The following LGALS2 variants were observed in gnomAD, a reference collection of about 807,000 sequenced individuals.
LGALS2 encodes the protein galectin 2, also known as galectin-2.
A neutral mutation model predicts 10.1 loss-of-function variants in LGALS2; 7 were observed. That is an observed-to-expected ratio of 0.70 (90% CI 0.40 to 1.31). LGALS2 has a LOEUF of 1.31. LGALS2 is among the 50% of genes most tolerant of loss of function. The pLI is 0.01. For missense variants in LGALS2, 167 were observed against 163.6 expected (o/e 1.02, Z -0.11); for synonymous variants, 86 against 64.2 (o/e 1.34, Z -1.63).
chr22:37,570,392 A>C lies in LGALS2; in HGVS notation c.270T>G (p.Ser90Arg). Reference sequence around the variant, plus strand: ...CTGGCAGCTTCACCTTGAATTTGTCACTCTCAAAGGTCACTGTGAACTGTG... The same window carrying C: ...CTGGCAGCTTCACCTTGAATTTGTCCCTCTCAAAGGTCACTGTGAACTGTG... Reference protein sequence around the residue: ...SEVKFTVTFESDKFKVKLPDG... With the variant: ...SEVKFTVTFERDKFKVKLPDG... The change falls in exon 4 of 4, where the codon AGT becomes AGG. Residue 90 changes from serine (S) to arginine (R), a missense_variant. Physicochemically the swap from Ser to Arg is moderately radical, Grantham distance 110 (BLOSUM62 -1). Transcript: ENST00000215886. 1 of 1,613,638 alleles carries C rather than the reference A, an allele frequency of 6.2e-7. No homozygotes were observed. Among genetic ancestry groups the C allele is most frequent in the Non-Finnish European group, 8.5e-7 (1 of 1,179,916 alleles).
intron 1 of LGALS2, among the ~76,000 whole-genome samples, chr22:37,577,532 C>CTTTTTTTTTTTT (rs10674228): frequency 1.4e-5 from 2 of 147,110 alleles, no homozygotes; most frequent in East Asian, 2.0e-4. Flanking sequence ...TTTTCTTCTT[C>CTTTTTTTTTTTT]TTCTTCTTTT....
intron 2 of LGALS2, 126 bp downstream of exon 2, chr22:37,571,723 T>G: frequency 1.4e-6 from 1 of 718,342 alleles, no homozygotes; most frequent in East Asian, 2.7e-5. Context: ...GGGAGAAGGG[T>G]GTGAAAAAGG....
chr22:37,571,872 G>A lies in LGALS2; in HGVS notation c.66C>T (p.Gly22=), dbSNP rs1254328452. The A allele has an allele frequency of 2.9e-5, 46 of 1,613,938 alleles. No individual in the cohort carries two copies. Among genetic ancestry groups the A allele is most frequent in the Non-Finnish European group, 3.9e-5 (46 of 1,179,954 alleles). ...MKPGSTLKIT[G]SIADGTDGFV... is the part of the protein sequence containing the mutation. The stretch of plus-strand genomic sequence containing the variant: ...ACCCATCAGTGCCATCGGCGATGCT[G>A]CCTGTGATCTTCAGGGTTGACCCCG... Residue 22 remains glycine, a synonymous_variant, in exon 2 of 4, where the codon GGC becomes GGT. Coordinates refer to ENST00000215886, the MANE Select transcript of LGALS2 (RefSeq NM_006498.3).
chr22:37,577,295 T>A (rs1925715238), intron 1 of LGALS2, among the ~76,000 whole-genome samples: 1 of 151,356 alleles, frequency 6.6e-6, no homozygotes, highest in South Asian at 2.1e-4. Flanking sequence ...GCATCCCCCC[T>A]GCACTTGAAT....
intron 1 of LGALS2, among the ~76,000 whole-genome samples, chr22:37,572,583 T>C (rs182698398): frequency 0.12 from 17,530 of 151,480 alleles, 2,702 homozygotes; most frequent in African/African-American, 0.36. Context: ...CTGGCTAACA[T>C]GGTGAAACCC....
rs768277912 is a variant in LGALS2, at chr22:37,571,840, C to T, written c.89+9G>A. The T allele has an allele frequency of 6.2e-7, 1 of 1,613,132 alleles. No individual in the cohort carries two copies. Among genetic ancestry groups the T allele is most frequent in the Admixed American group, 1.7e-5 (1 of 60,030 alleles). ...CTGCAGACTCCCCCAACCCTGAAAC[C>T]TTGCTCACCCATCAGTGCCATCGGC... is the stretch of plus-strand genomic sequence containing the variant. On this transcript the variant is annotated intron_variant, in intron 2 of 3. Transcript: ENST00000215886.
intron 2 of LGALS2, 53 bp downstream of exon 2, chr22:37,571,796 C>T (rs536145354): frequency 3.9e-5 from 57 of 1,466,320 alleles, no homozygotes; most frequent in Middle Eastern, 1.7e-4. Flanking sequence ...CTGCCCCACC[C>T]GCCCTGCCTA....
chr22:37,574,192 AG>A (rs909898544), intron 1 of LGALS2, among the ~76,000 whole-genome samples: 2 of 152,020 alleles, frequency 1.3e-5, no homozygotes, highest in African/African-American at 2.4e-5. Flanking sequence ...GATGGTTACT[AG>A]GGAAGATTTC....
intron 1 of LGALS2, among the ~76,000 whole-genome samples, chr22:37,578,048 G>A (rs568404469): frequency 6.6e-6 from 1 of 152,316 alleles, no homozygotes; most frequent in East Asian, 1.9e-4. Context: ...TGTTATTGCA[G>A]CCCTAGGCAA....
intron 1 of LGALS2, among the ~76,000 whole-genome samples, chr22:37,574,561 G>T (rs1164808331): frequency 2.0e-5 from 3 of 151,876 alleles, no homozygotes; most frequent in African/African-American, 7.3e-5. Context: ...TGACCAGAGG[G>T]TGAGGGTTGG....
chr22:37,571,777 C>T, intron 2 of LGALS2, 72 bp downstream of exon 2: 2 of 1,243,874 alleles, frequency 1.6e-6, no homozygotes, highest in Admixed American at 1.7e-5. Flanking sequence ...CTTCACAGGG[C>T]TGCCCTGCCT....
chr22:37,578,946 G>A (rs2145824545), intron 1 of LGALS2: 1 of 152,366 alleles, frequency 6.6e-6, no homozygotes, highest in Non-Finnish European at 1.5e-5. Flanking sequence ...AATTAATCGG[G>A]TGTGGTGGCC....
rs1223757349 is a variant in LGALS2, at chr22:37,570,429, T to C, written c.250-17A>G. On this transcript the variant is annotated splice_polypyrimidine_tract_variant and intron_variant, in intron 3 of 3. Coordinates refer to ENST00000215886, the MANE Select transcript of LGALS2 (RefSeq NM_006498.3). Reference sequence around the variant, plus strand: ...CACTGTGAACTGTGGGGAGGGAGGGTGTCAAGGAGGCAGGAGGCCCTGGAA... The same window carrying C: ...CACTGTGAACTGTGGGGAGGGAGGGCGTCAAGGAGGCAGGAGGCCCTGGAA... 3 of 1,609,876 alleles carry C rather than the reference T, an allele frequency of 1.9e-6. No individual in the cohort carries two copies. Among genetic ancestry groups the C allele is most frequent in the Non-Finnish European group, 2.5e-6 (3 of 1,177,124 alleles).
intron 1 of LGALS2, 61 bp downstream of exon 1, chr22:37,579,839 C>T: frequency 6.4e-7 from 1 of 1,570,918 alleles, no homozygotes; most frequent in Non-Finnish European, 8.7e-7. Context: ...TAAAAGCCCC[C>T]ACCCAGGCAA....
At chr22:37,570,542 A>G (rs1925461462) in intron 3 of LGALS2, 34 bp downstream of exon 3, 1 of 1,613,378 alleles carries the variant, frequency 6.2e-7, no homozygotes, top group Admixed American at 1.7e-5. Flanking sequence ...TCCCCTTGAC[A>G]TCACCCCAGT....
chr22:37,577,748 G>T (rs541400128), intron 1 of LGALS2, among the ~76,000 whole-genome samples: 110 of 152,246 alleles, frequency 7.2e-4, no homozygotes, highest in Non-Finnish European at 1.1e-3. Context: ...CTGGTTTAGG[G>T]TTGGTCCTAA....
chr22:37,577,532 C>T (rs1185925823), intron 1 of LGALS2, among the ~76,000 whole-genome samples: 3 of 147,112 alleles, frequency 2.0e-5, no homozygotes, highest in Non-Finnish European at 3.0e-5. Context: ...TTTTCTTCTT[C>T]TTCTTCTTTT....
At chr22:37,573,889 C>T (rs1337750062) in intron 1 of LGALS2, among the ~76,000 whole-genome samples, 4 of 151,812 alleles carry the variant, frequency 2.6e-5, no homozygotes, top group Non-Finnish European at 5.9e-5. Flanking sequence ...TACCACCATG[C>T]CTAATTTTTG....
At chr22:37,572,024 T>A (rs546004374) in intron 1 of LGALS2, 93 bp from the exon 2 acceptor site, 2 of 1,033,490 alleles carry the variant, frequency 1.9e-6, no homozygotes, top group African/African-American at 3.1e-5. Flanking sequence ...CCAACCCAGC[T>A]GCAGGTCTCA....
Sources: gnomAD v4.1 joint callset for allele counts (sites outside exome capture counted in the v4.1 genomes callset) on GRCh38, gnomAD v4.1.1 for gene constraint, MANE v1.5 for transcripts, NCBI Gene and HGNC (gene_info 2026-07-23, HGNC 2026-07-21) for gene names.